REC114: variants seen among roughly 807,000 people sequenced by gnomAD.
REC114 encodes meiotic recombination protein REC114.
REC114 carries 27 observed loss-of-function variants against 31.3 expected under a neutral mutation model. The ratio of observed to expected loss-of-function variants is 0.86; its 90% CI spans 0.64 to 1.19. REC114 has a LOEUF of 1.19. Ranked by LOEUF, REC114 falls within the 50% of genes most tolerant of loss-of-function variation. The pLI, the probability that REC114 is intolerant of heterozygous loss-of-function variation, is 0.00. For missense variants in REC114, 344 were observed against 326.9 expected (o/e 1.05, Z -0.40); for synonymous variants, 134 against 127.7 (o/e 1.05, Z -0.33).
intron 2 of REC114, chr15:73,483,286 C>G (rs528686519): frequency 6.4e-6 from 1 of 156,712 alleles, no homozygotes; most frequent in African/African-American, 2.4e-5. Context: ...GCTGCTGCTG[C>G]TGCTGCAACT....
At chr15:73,489,026 G>T (rs926617166) in intron 2 of REC114, among the ~76,000 whole-genome samples, 1 of 152,088 alleles carries the variant, frequency 6.6e-6, no homozygotes, top group Non-Finnish European at 1.5e-5. Flanking sequence ...TATAGTTCTG[G>T]AGGCTGGAAA....
intron 4 of REC114, among the ~76,000 whole-genome samples, chr15:73,553,348 G>A (rs560502006): frequency 3.3e-5 from 5 of 152,192 alleles, no homozygotes; most frequent in Admixed American, 1.3e-4. Flanking sequence ...ATAATGCTTC[G>A]TCTATATTCA....
chr15:73,461,922 CTTTTTTTTTTTTTTT>C (rs961387922), intron 1 of REC114, among the ~76,000 whole-genome samples: 1 of 78,212 alleles, frequency 1.3e-5, no homozygotes, highest in Non-Finnish European at 3.0e-5. Flanking sequence ...TTTTTCTTTT[CTTTTTTTTTTTTTTT>C]TTTTTTTTTT....
chr15:73,546,981 ACT>A (rs909486443), intron 3 of REC114, among the ~76,000 whole-genome samples: 150 of 152,250 alleles, frequency 9.9e-4, no homozygotes, highest in African/African-American at 3.6e-3. Flanking sequence ...CACTGAGGAA[ACT>A]CTCCAGGATG....
chr15:73,542,025 T>C (rs927618088), intron 3 of REC114, among the ~76,000 whole-genome samples: 34 of 152,118 alleles, frequency 2.2e-4, no homozygotes, highest in Non-Finnish European at 1.0e-4. Flanking sequence ...AGATTTCTTT[T>C]TTTTTCACTT....
chr15:73,493,340 G>T (rs1406395386), intron 2 of REC114, among the ~76,000 whole-genome samples: 2 of 152,054 alleles, frequency 1.3e-5, no homozygotes, highest in Non-Finnish European at 2.9e-5. Context: ...TTGTTTCAAA[G>T]AATCTGCATT....
chr15:73,485,609 T>C (rs1459526184), intron 2 of REC114, among the ~76,000 whole-genome samples: 1 of 152,174 alleles, frequency 6.6e-6, no homozygotes, highest in Non-Finnish European at 1.5e-5. Flanking sequence ...ATAAAGTGTG[T>C]GGCGCTTGCT....
At chr15:73,466,064 G>T (rs1009969918) in intron 1 of REC114, among the ~76,000 whole-genome samples, 6 of 151,574 alleles carry the variant, frequency 4.0e-5, no homozygotes, top group African/African-American at 1.5e-4. Flanking sequence ...AGTTGGTCAG[G>T]CTGGTCTCAA....
chr15:73,470,567 T>C lies in REC114; in HGVS notation c.160-3265T>C, dbSNP rs1595863507. On this transcript the variant is annotated intron_variant, in intron 1 of 5. Transcript: ENST00000331090. ...AACAAAATATTGGGTGTCTATTGTG[T>C]GCCAGGTACTATCCTAGGCATTTGA... Among the ~76,000 whole-genome samples the C allele has an allele frequency of 2.6e-5, 4 of 152,306 alleles. No homozygotes were observed. In the Middle Eastern group the frequency reaches 0.01, roughly 389 times the overall value.
chr15:73,514,052 T>C (rs9707942), intron 2 of REC114, among the ~76,000 whole-genome samples: 10 of 151,980 alleles, frequency 6.6e-5, no homozygotes, highest in South Asian at 2.1e-4. Context: ...GCCTCGCTGC[T>C]GCCTTGCAGT....
chr15:73,553,735 C>T (rs1462286796), intron 4 of REC114, among the ~76,000 whole-genome samples: 1 of 152,168 alleles, frequency 6.6e-6, no homozygotes, highest in African/African-American at 2.4e-5. Context: ...AAGACTGGTC[C>T]CAAATGTCTA....
chr15:73,515,068 T>C (rs1893839212), intron 2 of REC114, among the ~76,000 whole-genome samples: 1 of 151,778 alleles, frequency 6.6e-6, no homozygotes, highest in Admixed American at 6.6e-5. Context: ...CCTTACAGAG[T>C]AGCTGAGACT....
intron 1 of REC114, among the ~76,000 whole-genome samples, chr15:73,445,547 A>G (rs1014047986): frequency 6.5e-4 from 99 of 152,228 alleles, no homozygotes; most frequent in African/African-American, 2.4e-3. Context: ...TGCCTTCCTC[A>G]CTAAGCTTAA....
chr15:73,446,016 A>G (rs1333584023), intron 1 of REC114, among the ~76,000 whole-genome samples: 1 of 152,210 alleles, frequency 6.6e-6, no homozygotes, highest in Non-Finnish European at 1.5e-5. Context: ...GTGAAGTGCA[A>G]TAAAGCAAAG....
At chr15:73,486,171 C>T (rs1893361929) in intron 2 of REC114, among the ~76,000 whole-genome samples, 2 of 152,136 alleles carry the variant, frequency 1.3e-5, no homozygotes, top group Non-Finnish European at 2.9e-5. Context: ...AATCTCGGCT[C>T]ACTGCAACCT....
chr15:73,468,813 G>A (rs1320348476), intron 1 of REC114, among the ~76,000 whole-genome samples: 1 of 151,884 alleles, frequency 6.6e-6, no homozygotes, highest in Non-Finnish European at 1.5e-5. Context: ...TCATATTGAG[G>A]TGATCATATG....
At position 73,517,588 on chromosome 15, in the gene REC114, C is replaced by T. The variant is rs558341089; in HGVS notation, c.250-22897C>T. Reference sequence around the variant, plus strand: ...TATGCAACTCAACTGAAGGTAGCCTCATTTACTGAAGTTAGGGACTTTAGA... The same window carrying T: ...TATGCAACTCAACTGAAGGTAGCCTTATTTACTGAAGTTAGGGACTTTAGA... On this transcript the variant is annotated intron_variant, in intron 2 of 5. Transcript: ENST00000331090. Among the ~76,000 whole-genome samples the T allele has an allele frequency of 1.2e-4, 19 of 152,312 alleles. No homozygotes were observed. In the South Asian group the frequency reaches 2.1e-3, roughly 17 times the overall value.
chr15:73,476,016 A>T (rs747847556), intron 2 of REC114, among the ~76,000 whole-genome samples: 1 of 152,128 alleles, frequency 6.6e-6, no homozygotes, highest in Non-Finnish European at 1.5e-5. Context: ...CATGCTTTAC[A>T]GGTTTGTAGC....
At chr15:73,445,521 A>G (rs181545140) in intron 1 of REC114, among the ~76,000 whole-genome samples, 1 of 152,232 alleles carries the variant, frequency 6.6e-6, no homozygotes, top group African/African-American at 2.4e-5. Flanking sequence ...CTTTTGACCT[A>G]TTTTGGCTTT....
Sources: allele counts gnomAD v4.1 joint callset (sites outside exome capture counted in the v4.1 genomes callset), GRCh38; gene constraint gnomAD v4.1.1; transcripts MANE v1.5; gene names NCBI Gene and HGNC (gene_info 2026-07-23, HGNC 2026-07-21).